Variants in CACNA1B observed in about 807,000 individuals in gnomAD.
CACNA1B encodes the protein voltage-dependent N-type calcium channel subunit alpha-1B.
CACNA1B carries 70 observed loss-of-function variants against 247.2 expected under a neutral mutation model. The observed-to-expected ratio is 0.28, with a 90% confidence interval of 0.23 to 0.35. The LOEUF (loss-of-function observed/expected upper bound fraction) is 0.35, where lower values mean the gene tolerates loss of function less well. Among genes scored for constraint, CACNA1B ranks in the 10% least tolerant of loss-of-function variants. The pLI, the probability that CACNA1B is intolerant of heterozygous loss-of-function variation, is 1.00. For missense variants in CACNA1B, 2,367 were observed against 3,197.4 expected (o/e 0.74, Z 6.26); for synonymous variants, 1,231 against 1,294.4 (o/e 0.95, Z 1.05).
At chr9:137,992,162 A>G (rs1038810516) in intron 15 of CACNA1B, among the ~76,000 whole-genome samples, 1 of 152,212 alleles carries the variant, frequency 6.6e-6, no homozygotes. Flanking sequence ...AATGGATAAG[A>G]ATTCACCAAC....
At chr9:137,975,199 G>A (rs963784800) in intron 11 of CACNA1B, among the ~76,000 whole-genome samples, 1 of 152,144 alleles carries the variant, frequency 6.6e-6, no homozygotes, top group African/African-American at 2.4e-5. Flanking sequence ...AGGGTCAGCA[G>A]GACTTCTGAG....
intron 6 of CACNA1B, among the ~76,000 whole-genome samples, chr9:137,949,077 TG>T (rs1957836684): frequency 1.2e-5 from 1 of 83,364 alleles, no homozygotes; most frequent in Non-Finnish European, 2.5e-5. Context: ...GTAGTGTGTG[TG>T]GTGTGTGTGT....
In CACNA1B at chr9:137,881,234, C is replaced by T. The variant is rs561091024; in HGVS notation, c.391-1510C>T. ...CCTAAACAAATCAGACCAGAAGGCT[C>T]GAGGCCAGGAAGAGCATGGGCGAGT... On this transcript the variant is annotated intron_variant, in intron 2 of 46. Transcript: ENST00000371372. The surrounding 1 kb of genome is among the most constrained non-coding windows in gnomAD (Gnocchi z 4.3). 1.3e-5 allele frequency among the ~76,000 whole-genome samples: 2 copies of T among 152,166 alleles called. No homozygotes were observed. The highest frequency in any genetic ancestry group is 2.4e-5 in the African/African-American group (1 of 41,442).
chr9:138,073,619 G>A lies in CACNA1B; in HGVS notation c.4791+15G>A. On this transcript the variant is annotated intron_variant, in intron 33 of 46. Transcript: ENST00000371372. This position sits in a 1 kb window ranked among gnomAD's most constrained non-coding sequence, Gnocchi z 6.4. ...AGTCCTTCAAGGTGGGCCAGGCGGGGGGCCTCCATGCTTTCTGTCCCCTTC... is the reference window on the plus strand; with the variant it reads ...AGTCCTTCAAGGTGGGCCAGGCGGGAGGCCTCCATGCTTTCTGTCCCCTTC... 7.1e-7 allele frequency: 1 copy of A among 1,402,132 alleles called. No homozygotes were observed. The highest frequency in any genetic ancestry group is 1.7e-5 in the Admixed American group (1 of 59,732). The allele number at this position is 1,402,132 out of a possible 1,614,324, so 86.9% of individuals were successfully genotyped here.
chr9:137,884,219 G>A (rs1288534990), intron 3 of CACNA1B, among the ~76,000 whole-genome samples: 6 of 152,246 alleles, frequency 3.9e-5, no homozygotes, highest in African/African-American at 7.2e-5. Flanking sequence ...GCTTGGGAGT[G>A]TCACACAGAA....
chr9:138,067,853 A>G (rs10867099), intron 31 of CACNA1B, among the ~76,000 whole-genome samples: 18,581 of 152,172 alleles, frequency 0.12, 3,094 homozygotes, highest in African/African-American at 0.37. Context: ...CTGCACAGAT[A>G]ACCCCCAGAG....
At chr9:138,091,586 G>A (rs1358704731) in intron 36 of CACNA1B, among the ~76,000 whole-genome samples, 1 of 152,178 alleles carries the variant, frequency 6.6e-6, no homozygotes, top group African/African-American at 2.4e-5. Flanking sequence ...ATAAGTGTTT[G>A]AGGTGATGGA....
At chr9:137,975,113 C>G (rs1052901618) in intron 11 of CACNA1B, among the ~76,000 whole-genome samples, 3 of 152,062 alleles carry the variant, frequency 2.0e-5, no homozygotes, top group Non-Finnish European at 4.4e-5. Context: ...GCTGGGTGAG[C>G]AAGAGTCTGT....
chr9:137,968,118 G>A (rs1428440619), intron 10 of CACNA1B, among the ~76,000 whole-genome samples: 1 of 152,016 alleles, frequency 6.6e-6, no homozygotes, highest in East Asian at 1.9e-4. Flanking sequence ...GGCCTTTGTT[G>A]ACTTTTCCTT....
At position 138,122,342 on chromosome 9, in the gene CACNA1B, T is replaced by C. The variant is rs1962131317; in HGVS notation, c.*343T>C. 2 of 342,510 alleles carry C rather than the reference T, an allele frequency of 5.8e-6. No homozygotes were observed. The highest frequency in any genetic ancestry group is 1.1e-5 in the Non-Finnish European group (2 of 184,970). The allele number at this position is 342,510 out of a possible 1,614,324, so 21.2% of individuals were successfully genotyped here. ...ATCCAGCATGGGTGCTTGGAGCCGTTGTGAGGAGCTCTGCGTCCTGTGGGG... is the reference window on the plus strand; with the variant it reads ...ATCCAGCATGGGTGCTTGGAGCCGTCGTGAGGAGCTCTGCGTCCTGTGGGG... On this transcript the variant is annotated 3_prime_UTR_variant, in exon 47 of 47. Coordinates refer to ENST00000371372, the MANE Select transcript of CACNA1B (RefSeq NM_000718.4).
intron 15 of CACNA1B, among the ~76,000 whole-genome samples, chr9:137,996,095 G>A (rs542899231): frequency 5.3e-4 from 80 of 152,270 alleles, no homozygotes; most frequent in Non-Finnish European, 9.8e-4. Context: ...AAAACATTGT[G>A]GAGTTTCCTT....
At position 137,911,666 on chromosome 9, in the gene CACNA1B, G is replaced by C. The variant is rs558382728; in HGVS notation, c.531-1514G>C. 9.8e-5 allele frequency among the ~76,000 whole-genome samples: 15 copies of C among 152,322 alleles called. No homozygotes were observed. The South Asian group carries it at 2.9e-3, about 29-fold the overall frequency. On this transcript the variant is annotated intron_variant, in intron 3 of 46. Transcript: ENST00000371372. ...ACTCCTGACCTCAGGGGATCCACCT[G>C]CCTTGGCCTCCCAAAGTACTGGGAT... is the stretch of plus-strand genomic sequence containing the variant.
Position 138,058,586 on chromosome 9 carries a change from C to A in CACNA1B, c.4326C>A (p.Phe1442Leu). Residue 1442 changes from phenylalanine to leucine, a missense_variant, in exon 29 of 47, where the codon TTC (phenylalanine) becomes TTA (leucine). Coordinates refer to ENST00000371372, the MANE Select transcript of CACNA1B (RefSeq NM_000718.4). The surrounding 1 kb of genome is among the most constrained non-coding windows in gnomAD (Gnocchi z 4.7). ...LEKNERACIDFAISAKPLTRY... is the reference protein window; with the variant it reads ...LEKNERACIDLAISAKPLTRY... ...CCTTACAGAGGGCTTGCATTGACTT[C>A]GCCATCAGCGCCAAACCCCTGACAC... The A allele has an allele frequency of 6.2e-7, 1 of 1,611,230 alleles. No homozygotes were observed. The highest frequency in any genetic ancestry group is 8.5e-7 in the Non-Finnish European group (1 of 1,179,214).
chr9:137,905,213 T>A (rs1478417788), intron 3 of CACNA1B, among the ~76,000 whole-genome samples: 1 of 151,834 alleles, frequency 6.6e-6, no homozygotes, highest in Non-Finnish European at 1.5e-5. Flanking sequence ...ATTAGCCAGG[T>A]GTGGTGGCAC....
chr9:137,947,426 T>G (rs7850056), intron 6 of CACNA1B, among the ~76,000 whole-genome samples: 43,237 of 151,998 alleles, frequency 0.28, 8,212 homozygotes, highest in East Asian at 0.65. Context: ...CTCCAGACCC[T>G]ATTCTTCTGC....
At chr9:137,956,686 G>A in intron 8 of CACNA1B, 85 bp from the exon 9 acceptor site, 1 of 1,128,604 alleles carries the variant, frequency 8.9e-7, no homozygotes, top group Non-Finnish European at 1.3e-6. Context: ...GAGAAGGCAG[G>A]GCCTTCCAGA....
chr9:138,059,755 C>T lies in CACNA1B; in HGVS notation c.4668+18C>T, dbSNP rs1180609628. 1 of 1,474,508 alleles carries T rather than the reference C, an allele frequency of 6.8e-7. No homozygotes were observed. Among genetic ancestry groups the T allele is most frequent in the South Asian group, 1.1e-5 (1 of 88,206 alleles). 91.3% of individuals were successfully genotyped at this position (1,474,508 alleles called of 1,614,324 possible). On this transcript the variant is annotated intron_variant, in intron 31 of 46. Transcript: ENST00000371372. This position sits in a 1 kb window ranked among gnomAD's most constrained non-coding sequence, Gnocchi z 4.2. ...AGATTGCGGTAAGTAGCATTTCTGT[C>T]CCTCCTTCAGGGTCCCCAGGTGGTT... is the stretch of plus-strand genomic sequence containing the variant.
Position 138,085,133 on chromosome 9 carries a change from G to A in CACNA1B, c.5094+6875G>A, listed in dbSNP as rs1960653961. ...TAGACAATGCAATGAAATCAGAAAT[G>A]CAATTGACAATATGAATGAAAAATT... is the stretch of plus-strand genomic sequence containing the variant. On this transcript the variant is annotated intron_variant, in intron 36 of 46. Coordinates refer to ENST00000371372, the MANE Select transcript of CACNA1B (RefSeq NM_000718.4). Among the ~76,000 whole-genome samples the A allele has an allele frequency of 1.3e-5, 2 of 150,650 alleles. 1 individual carries two copies. Among genetic ancestry groups the A allele is most frequent in the Non-Finnish European group, 2.9e-5 (2 of 67,972 alleles).
rs1213681573 is a variant in CACNA1B at position 137,899,881 on chromosome 9, G to A, written c.531-13299G>A. Reference sequence around the variant, plus strand: ...GATTTGTGGTCTCCCCTGGCTCAGCGCAGACCCTCTGAGGGGCTGGTCCAG... The same window carrying A: ...GATTTGTGGTCTCCCCTGGCTCAGCACAGACCCTCTGAGGGGCTGGTCCAG... On this transcript the variant is annotated intron_variant, in intron 3 of 46. Transcript: ENST00000371372. The surrounding 1 kb of genome is among the most constrained non-coding windows in gnomAD (Gnocchi z 5.0). Among the ~76,000 whole-genome samples the A allele has an allele frequency of 1.3e-5, 2 of 152,180 alleles. No individual in the cohort carries two copies. The highest frequency in any genetic ancestry group is 2.1e-4 in the South Asian group (1 of 4,836).
Sources: gnomAD v4.1 joint callset for allele counts (sites outside exome capture counted in the v4.1 genomes callset) on GRCh38, gnomAD v4.1.1 for gene constraint, Gnocchi (gnomAD v3.1) non-coding constraint, MANE v1.5 for transcripts, NCBI Gene and HGNC (gene_info 2026-07-23, HGNC 2026-07-21) for gene names.